The following TMEM132D variants were observed in gnomAD, a reference collection of about 807,000 sequenced individuals.
TMEM132D encodes transmembrane protein 132D.
In TMEM132D, 21 loss-of-function variants were observed where a neutral mutation model predicts 62.3. The ratio of observed to expected loss-of-function variants is 0.34; its 90% confidence interval spans 0.24 to 0.49. TMEM132D has a LOEUF of 0.49. Among genes scored for constraint, TMEM132D ranks in the 20% least tolerant of loss-of-function variants. The pLI, the probability that TMEM132D is intolerant of heterozygous loss-of-function variation, is 0.99. For synonymous variants in TMEM132D, 621 were observed against 575.6 expected (o/e 1.08, Z -1.13); for missense variants, 1,346 against 1,402.8 (o/e 0.96, Z 0.65).
chr12:129,285,847 C>T (rs1476006530), intron 4 of TMEM132D, among the ~76,000 whole-genome samples: 1 of 152,140 alleles, frequency 6.6e-6, no homozygotes, highest in African/African-American at 2.4e-5. Flanking sequence ...ATTCCACTTC[C>T]CCCATCAGTC....
At chr12:129,346,156 T>A (rs547236972) in intron 3 of TMEM132D, among the ~76,000 whole-genome samples, 1 of 152,278 alleles carries the variant, frequency 6.6e-6, no homozygotes, top group African/African-American at 2.4e-5. Flanking sequence ...TTCTTCCTGG[T>A]TTAGTCTTTG....
intron 1 of TMEM132D, among the ~76,000 whole-genome samples, chr12:129,703,867 T>C (rs922629061): frequency 4.0e-5 from 6 of 151,546 alleles, no homozygotes; most frequent in Non-Finnish European, 7.4e-5. Flanking sequence ...AGCACAAGAC[T>C]CTCAGTTTTC....
At chr12:129,848,552 A>G (rs1409028079) in intron 1 of TMEM132D, among the ~76,000 whole-genome samples, 2 of 152,232 alleles carry the variant, frequency 1.3e-5, no homozygotes, top group African/African-American at 4.8e-5. Context: ...AATAGTCTAC[A>G]TGACTCTTAG....
intron 4 of TMEM132D, among the ~76,000 whole-genome samples, chr12:129,310,479 C>T (rs780589398): frequency 6.6e-6 from 1 of 152,152 alleles, no homozygotes; most frequent in Non-Finnish European, 1.5e-5. Context: ...AGAGAGAGAA[C>T]CGGAAAGGAA....
At chr12:129,474,742 C>T (rs4759579) in intron 3 of TMEM132D, among the ~76,000 whole-genome samples, 113,107 of 151,520 alleles carry the variant, frequency 0.75, 42,224 homozygotes, top group Middle Eastern at 0.78. Context: ...CATGGGAGGG[C>T]TCTACATGTT....
intron 4 of TMEM132D, among the ~76,000 whole-genome samples, chr12:129,216,183 C>A (rs758771664): frequency 6.6e-6 from 1 of 152,156 alleles, no homozygotes; most frequent in Non-Finnish European, 1.5e-5. Flanking sequence ...ATGGTATGTA[C>A]CTCTTGGGTT....
intron 3 of TMEM132D, among the ~76,000 whole-genome samples, chr12:129,368,400 T>C (rs564320304): frequency 2.6e-5 from 4 of 152,190 alleles, no homozygotes; most frequent in Non-Finnish European, 5.9e-5. Flanking sequence ...ATAAACTGTG[T>C]CCTATAACCA....
chr12:129,321,657 C>T (rs545996400), intron 4 of TMEM132D, among the ~76,000 whole-genome samples: 3 of 152,204 alleles, frequency 2.0e-5, no homozygotes, highest in South Asian at 4.1e-4. Context: ...CCCAGGTTCA[C>T]GCCATTCTCC....
chr12:129,430,829 T>C (rs1358021555), intron 3 of TMEM132D, among the ~76,000 whole-genome samples: 3 of 152,152 alleles, frequency 2.0e-5, no homozygotes, highest in Non-Finnish European at 4.4e-5. Flanking sequence ...AAGAAAAAGG[T>C]GTTCTTTTAT....
intron 4 of TMEM132D, among the ~76,000 whole-genome samples, chr12:129,327,684 C>T (rs1263765840): frequency 6.6e-6 from 1 of 152,166 alleles, no homozygotes; most frequent in East Asian, 1.9e-4. Context: ...CACTTATCTT[C>T]ACCATCCCCA....
At chr12:129,497,448 T>G (rs1402193122) in intron 3 of TMEM132D, among the ~76,000 whole-genome samples, 1 of 152,184 alleles carries the variant, frequency 6.6e-6, no homozygotes, top group Non-Finnish European at 1.5e-5. Flanking sequence ...GTTCCCTCCC[T>G]TTATCCCTCC....
At chr12:129,629,990 G>A (rs934424339) in intron 2 of TMEM132D, among the ~76,000 whole-genome samples, 1 of 152,226 alleles carries the variant, frequency 6.6e-6, no homozygotes, top group Non-Finnish European at 1.5e-5. Context: ...GAGCTTTGCA[G>A]GTAGCAGGAA....
At chr12:129,697,922 C>T (rs1430675175) in intron 2 of TMEM132D, among the ~76,000 whole-genome samples, 3 of 152,124 alleles carry the variant, frequency 2.0e-5, no homozygotes, top group Non-Finnish European at 4.4e-5. Flanking sequence ...CACACACACA[C>T]ACAAGCTGCA....
chr12:129,507,356 C>G (rs907993761), intron 3 of TMEM132D, among the ~76,000 whole-genome samples: 1 of 152,154 alleles, frequency 6.6e-6, no homozygotes, highest in Non-Finnish European at 1.5e-5. Flanking sequence ...AATCCCACTA[C>G]TGGATATCTA....
intron 4 of TMEM132D, among the ~76,000 whole-genome samples, chr12:129,314,671 T>A: frequency 6.6e-6 from 1 of 152,192 alleles, no homozygotes; most frequent in South Asian, 2.1e-4. Flanking sequence ...CTGGTGGTAT[T>A]TTGATGGAGA....
At chr12:129,156,174 T>G (rs1403374481) in intron 5 of TMEM132D, among the ~76,000 whole-genome samples, 1 of 140,566 alleles carries the variant, frequency 7.1e-6, no homozygotes, top group East Asian at 2.1e-4. Context: ...AACCAACCTA[T>G]TCCCAAGATA....
At chr12:129,498,618 G>A (rs1330070576) in intron 3 of TMEM132D, among the ~76,000 whole-genome samples, 5 of 152,150 alleles carry the variant, frequency 3.3e-5, no homozygotes, top group African/African-American at 1.2e-4. Context: ...TTCTCTACTG[G>A]TTAACTTGGT....
At chr12:129,259,521 C>T (rs1880496915) in intron 4 of TMEM132D, among the ~76,000 whole-genome samples, 1 of 152,192 alleles carries the variant, frequency 6.6e-6, no homozygotes, top group Admixed American at 6.5e-5. Context: ...CGTATCTTCC[C>T]TGTAGTGCTG....
At chr12:129,861,925 C>T (rs1873913409) in intron 1 of TMEM132D, among the ~76,000 whole-genome samples, 1 of 152,036 alleles carries the variant, frequency 6.6e-6, no homozygotes, top group African/African-American at 2.4e-5. Flanking sequence ...CACCCAGACC[C>T]AAGACTCTTG....
Sources: allele counts gnomAD v4.1 joint callset (sites outside exome capture counted in the v4.1 genomes callset), GRCh38; gene constraint gnomAD v4.1.1; transcripts MANE v1.5; gene names NCBI Gene and HGNC (gene_info 2026-07-23, HGNC 2026-07-21).